The following NF2 variants were observed in gnomAD, a reference collection of about 807,000 sequenced individuals.
The protein encoded by NF2 is merlin.
Under a neutral mutation model 83.7 loss-of-function variants are expected in NF2, and 8 were observed. The ratio of observed to expected loss-of-function variants is 0.10; its 90% CI spans 0.06 to 0.17. NF2 has a LOEUF of 0.17. Ranked by LOEUF, NF2 falls within the 10% of genes least tolerant of loss-of-function variation. The pLI is 1.00. For synonymous variants in NF2, 266 were observed against 269.6 expected (o/e 0.99, Z 0.13); for missense variants, 533 against 744.4 (o/e 0.72, Z 3.31).
At chr22:29,684,349 G>A (rs2067222359) in intron 15 of NF2, among the ~76,000 whole-genome samples, 1 of 152,038 alleles carries the variant, frequency 6.6e-6, no homozygotes, top group African/African-American at 2.4e-5. Flanking sequence ...ACCCAGAGCA[G>A]CCAGGTGGAC....
chr22:29,611,547 G>C (rs1301125040), intron 1 of NF2, among the ~76,000 whole-genome samples: 1 of 152,052 alleles, frequency 6.6e-6, no homozygotes, highest in East Asian at 1.9e-4. Context: ...ACAAAATAGT[G>C]AAAGACTGTA....
rs185889814 is a variant in NF2 at position 29,657,522 on chromosome 22, G to C, written c.600-667G>C. On this transcript the variant is annotated intron_variant, in intron 6 of 15. Coordinates refer to ENST00000338641, the MANE Select transcript of NF2 (RefSeq NM_000268.4). ...AACACTTGGCGTTCTCTCAGGCTGG[G>C]TTTTTAAAAATTCATTGAGAGCATT... is the stretch of plus-strand genomic sequence containing the variant. Among the ~76,000 whole-genome samples the C allele has an allele frequency of 7.9e-5, 12 of 152,306 alleles. 1 individual carries two copies. The highest frequency in any genetic ancestry group is 2.6e-4 in the African/African-American group (11 of 41,572).
chr22:29,671,760 G>A (rs2147069605), intron 10 of NF2, 66 bp from the exon 11 acceptor site: 1 of 1,610,052 alleles, frequency 6.2e-7, no homozygotes, highest in African/African-American at 1.3e-5. Flanking sequence ...GGCATCTTTG[G>A]GCCCTTGTGG....
At position 29,681,515 on chromosome 22, in the gene NF2, C is replaced by G; in HGVS notation, c.1651C>G (p.Leu551Val). ...CAAGACAGAAATCGAGGCCTTGAAA[C>G]TGAAAGAGAGGGAGACAGCTCTGGA... ...ELKTEIEALK[L>V]KERETALDIL... Residue 551 changes from leucine (L) to valine (V), a missense_variant, in exon 15 of 16, where the codon CTG becomes GTG. This residue lies in a region of NF2 where 199 missense variants were observed against 240.7 expected (regional missense o/e 0.83). Coordinates refer to ENST00000338641, the MANE Select transcript of NF2 (RefSeq NM_000268.4). 1 of 1,614,206 alleles carries G rather than the reference C, an allele frequency of 6.2e-7. No individual in the cohort carries two copies. The highest frequency in any genetic ancestry group is 8.5e-7 in the Non-Finnish European group (1 of 1,180,046).
At chr22:29,618,160 A>C (rs1003825151) in intron 1 of NF2, among the ~76,000 whole-genome samples, 10 of 152,246 alleles carry the variant, frequency 6.6e-5, no homozygotes, top group African/African-American at 2.4e-4. Context: ...AACCATGTTC[A>C]CATATTCTGT....
At chr22:29,619,318 T>A (rs1328124174) in intron 1 of NF2, among the ~76,000 whole-genome samples, 1 of 152,130 alleles carries the variant, frequency 6.6e-6, no homozygotes, top group Non-Finnish European at 1.5e-5. Context: ...GTGCTGGGAT[T>A]ACAGGCACGA....
chr22:29,631,381 C>G (rs79826376), intron 1 of NF2, among the ~76,000 whole-genome samples: 45 of 152,250 alleles, frequency 3.0e-4, no homozygotes, highest in Non-Finnish European at 5.4e-4. Context: ...GACCCAGGCC[C>G]GAGTTGTGTT....
rs1474769404 is a variant in NF2 at position 29,661,295 on chromosome 22, T to C, written c.766T>C (p.Phe256Leu). ...PENRLTPKIS[F>L]PWNEIRNISY... ...GAACAGACTGACCCCCAAGATCTCC[T>C]TCCCGTGGAATGAAATCCGAAACAT... is the stretch of plus-strand genomic sequence containing the variant. The change falls in exon 8 of 16, where the codon TTC (phenylalanine) becomes CTC (leucine). Residue 256 changes from phenylalanine to leucine, a missense_variant. Phe to Leu is a conservative substitution (Grantham distance 22). Coordinates refer to ENST00000338641, the MANE Select transcript of NF2 (RefSeq NM_000268.4). 2 of 1,614,222 alleles carry C rather than the reference T, an allele frequency of 1.2e-6. No individual in the cohort carries two copies. The highest frequency in any genetic ancestry group is 1.7e-6 in the Non-Finnish European group (2 of 1,180,032).
intron 4 of NF2, among the ~76,000 whole-genome samples, chr22:29,648,345 T>C (rs1398623272): frequency 1.3e-5 from 2 of 152,132 alleles, no homozygotes; most frequent in Non-Finnish European, 2.9e-5. Context: ...AAAAAGATGT[T>C]TCATCTCACA....
At chr22:29,673,626 T>A in intron 12 of NF2, 140 bp downstream of exon 12, 1 of 917,322 alleles carries the variant, frequency 1.1e-6, no homozygotes, top group Non-Finnish European at 1.7e-6. Flanking sequence ...CCTCCTTGGC[T>A]GATGGTGACT....
chr22:29,609,849 T>A (rs2064901996), intron 1 of NF2, among the ~76,000 whole-genome samples: 1 of 152,202 alleles, frequency 6.6e-6, no homozygotes, highest in African/African-American at 2.4e-5. Context: ...ACAATTTTTT[T>A]CTGTATTTCT....
intron 13 of NF2, among the ~76,000 whole-genome samples, chr22:29,676,978 C>A (rs1343507080): frequency 6.6e-6 from 1 of 152,210 alleles, no homozygotes; most frequent in Non-Finnish European, 1.5e-5. Flanking sequence ...CAGGACATCC[C>A]TGGCACCCAA....
chr22:29,671,550 C>G (rs776971065), intron 10 of NF2, among the ~76,000 whole-genome samples: 2 of 152,116 alleles, frequency 1.3e-5, no homozygotes, highest in Admixed American at 1.3e-4. Flanking sequence ...AAAAAGAATG[C>G]CTTTTTCTAT....
In NF2 at chr22:29,650,429, G is replaced by A. The variant is rs56379314; in HGVS notation, c.448-4228G>A. On this transcript the variant is annotated intron_variant, in intron 4 of 15. Transcript: ENST00000338641. ...TCCTTGATTGCTATTGGGACTGAAC[G>A]TCTTTTCATAAACTTACTGTCCATT... 8.6e-3 allele frequency among the ~76,000 whole-genome samples: 1,309 copies of A among 152,134 alleles called. 8 individuals are homozygous for A. The highest frequency in any genetic ancestry group is 0.014 in the Non-Finnish European group (955 of 67,990).
At chr22:29,658,033 C>T (rs750663969) in intron 6 of NF2, among the ~76,000 whole-genome samples, 156 bp from the exon 7 acceptor site, 5 of 152,078 alleles carry the variant, frequency 3.3e-5, no homozygotes, top group Admixed American at 2.0e-4. Flanking sequence ...GACTCAGGGC[C>T]GGGCAGAGCT....
intron 6 of NF2, among the ~76,000 whole-genome samples, chr22:29,657,939 G>A (rs1406174608): frequency 6.6e-6 from 1 of 152,184 alleles, no homozygotes; most frequent in African/African-American, 2.4e-5. Context: ...GGAAACTAAG[G>A]CCAAGAAACT....
chr22:29,645,946 A>C (rs989961224), intron 4 of NF2, among the ~76,000 whole-genome samples: 1 of 152,204 alleles, frequency 6.6e-6, no homozygotes, highest in Non-Finnish European at 1.5e-5. Flanking sequence ...AAATAAAGGT[A>C]ATCTATGGCT....
intron 10 of NF2, 148 bp from the exon 11 acceptor site, chr22:29,671,678 G>A (rs1339473732): frequency 2.3e-5 from 24 of 1,054,798 alleles, no homozygotes; most frequent in Non-Finnish European, 4.2e-6. Context: ...GGGGTGGGGG[G>A]CAATAAGAAT....
intron 7 of NF2, among the ~76,000 whole-genome samples, chr22:29,658,525 G>A (rs1296554406): frequency 6.6e-6 from 1 of 152,112 alleles, no homozygotes; most frequent in African/African-American, 2.4e-5. Context: ...CTGTTTGAAT[G>A]CTCTGAGTGT....
Sources: gnomAD v4.1 joint callset for allele counts (sites outside exome capture counted in the v4.1 genomes callset) on GRCh38, gnomAD v4.1.1 for gene constraint, gnomAD v4.1.1 regional missense constraint, MANE v1.5 for transcripts, NCBI Gene and HGNC (gene_info 2026-07-23, HGNC 2026-07-21) for gene names.